UNC13C: variants seen among roughly 807,000 people sequenced by gnomAD.
The protein encoded by UNC13C is protein unc-13 homolog C.
A neutral mutation model predicts 245.4 loss-of-function variants in UNC13C; 174 were observed. The observed-to-expected ratio is 0.71, with a 90% CI of 0.63 to 0.80. The LOEUF (loss-of-function observed/expected upper bound fraction) is 0.80. Ranked by LOEUF, UNC13C falls within the 30% of genes least tolerant of loss-of-function variation. The pLI, the probability that UNC13C is intolerant of heterozygous loss-of-function variation, is 0.00. For missense variants in UNC13C, 2,829 were observed against 2,602.9 expected (o/e 1.09, Z -1.89); for synonymous variants, 992 against 895.1 (o/e 1.11, Z -1.93).
At chr15:54,175,566 G>A (rs542676431) in intron 4 of UNC13C, among the ~76,000 whole-genome samples, 129 of 143,432 alleles carry the variant, frequency 9.0e-4, no homozygotes, top group African/African-American at 3.2e-3. Context: ...AGGCTGGAGC[G>A]TAGTGGCGCG....
At chr15:53,842,002 A>T in the UNC13C span, among the ~76,000 whole-genome samples, 24 of 152,208 alleles carry the variant, frequency 1.6e-4, no homozygotes, top group Non-Finnish European at 2.6e-4. Context: ...GTGGAGAGTT[A>T]TCCATTAAGA....
At chr15:54,503,241 G>T (rs1173303192) in intron 22 of UNC13C, among the ~76,000 whole-genome samples, 1 of 152,070 alleles carries the variant, frequency 6.6e-6, no homozygotes, top group Non-Finnish European at 1.5e-5. Context: ...TGGAAAAGAA[G>T]AAATTAGTGA....
the UNC13C span, among the ~76,000 whole-genome samples, chr15:53,919,914 T>C: frequency 6.6e-6 from 1 of 152,132 alleles, no homozygotes; most frequent in Non-Finnish European, 1.5e-5. Context: ...AAAAATAAAA[T>C]TAAAATATTA....
intron 13 of UNC13C, chr15:54,320,802 T>C (rs1394312799): frequency 3.0e-6 from 1 of 338,412 alleles, no homozygotes; most frequent in Non-Finnish European, 5.7e-6. Flanking sequence ...GTTGGCAAAG[T>C]ATTGGCCTCC....
At chr15:54,298,717 G>A (rs2037499276) in intron 12 of UNC13C, among the ~76,000 whole-genome samples, 1 of 152,162 alleles carries the variant, frequency 6.6e-6, no homozygotes, top group African/African-American at 2.4e-5. Flanking sequence ...GTTTGTCGCT[G>A]AGAGCTTAGT....
intron 19 of UNC13C, among the ~76,000 whole-genome samples, chr15:54,422,999 C>A (rs2040683120): frequency 6.6e-6 from 1 of 150,434 alleles, no homozygotes; most frequent in Non-Finnish European, 1.5e-5. Context: ...AAAAAAACTT[C>A]ATGAAATATA....
chr15:54,600,587 CATTATA>C (rs1264541683), intron 30 of UNC13C, among the ~76,000 whole-genome samples: 1 of 152,078 alleles, frequency 6.6e-6, no homozygotes, highest in African/African-American at 2.4e-5. Context: ...TGTGAATACA[CATTATA>C]ATTCACTTTT....
intron 19 of UNC13C, among the ~76,000 whole-genome samples, chr15:54,444,963 C>A (rs1373204178): frequency 8.5e-6 from 1 of 117,574 alleles, no homozygotes; most frequent in Non-Finnish European, 1.7e-5. Context: ...TATCCCTCCC[C>A]CCTCCCCCCA....
intron 19 of UNC13C, among the ~76,000 whole-genome samples, chr15:54,429,810 G>A (rs1291270329): frequency 6.6e-6 from 1 of 151,616 alleles, no homozygotes; most frequent in Non-Finnish European, 1.5e-5. Flanking sequence ...TGCCTAAGGA[G>A]AACTATGTCA....
chr15:54,371,955 G>A (rs946350591), intron 17 of UNC13C, among the ~76,000 whole-genome samples: 1 of 152,034 alleles, frequency 6.6e-6, no homozygotes, highest in Admixed American at 6.6e-5. Context: ...GGGAGATTGG[G>A]GAGATCATGT....
chr15:54,222,634 G>A (rs1205401325), intron 4 of UNC13C, among the ~76,000 whole-genome samples: 2 of 151,962 alleles, frequency 1.3e-5, no homozygotes, highest in African/African-American at 4.8e-5. Flanking sequence ...GGGTCATATG[G>A]TAGTTCTATT....
chr15:54,138,953 A>ATTTTTTTTCTTTTTTTTT (rs2031872941), intron 2 of UNC13C, among the ~76,000 whole-genome samples: 1 of 48,632 alleles, frequency 2.1e-5, no homozygotes, highest in African/African-American at 7.8e-5. Context: ...ATTTCCCCTA[A>ATTTTTTTTCTTTTTTTTT]TTTTTTTTTT....
intron 17 of UNC13C, among the ~76,000 whole-genome samples, chr15:54,361,741 ACC>A (rs2039236230): frequency 6.6e-6 from 1 of 152,184 alleles, no homozygotes; most frequent in East Asian, 1.9e-4. Flanking sequence ...CTAAACTGCT[ACC>A]CTACCTCTCT....
In UNC13C at chr15:54,062,666, A is replaced by G. The variant is rs578205083; in HGVS notation, c.2983+46780A>G. 1.4e-4 allele frequency among the ~76,000 whole-genome samples: 22 copies of G among 152,206 alleles called. 1 individual carries two copies. Among genetic ancestry groups the G allele is most frequent in the South Asian group, 4.1e-4 (2 of 4,834 alleles). ...TTGTTGTCCTTAGACCAGCAGTATG[A>G]GCATCAACAAGGGAGCTTGATAGTC... On this transcript the variant is annotated intron_variant, in intron 2 of 32. Transcript: ENST00000260323.
chr15:53,865,436 C>T, the UNC13C span, among the ~76,000 whole-genome samples: 2 of 152,148 alleles, frequency 1.3e-5, no homozygotes, highest in African/African-American at 2.4e-5. Flanking sequence ...CCATTGAGTC[C>T]GACTTGACCT....
At chr15:54,484,559 A>T (rs1435435050) in intron 19 of UNC13C, among the ~76,000 whole-genome samples, 1 of 152,246 alleles carries the variant, frequency 6.6e-6, no homozygotes, top group Non-Finnish European at 1.5e-5. Context: ...AATACATTTT[A>T]AATTGATCAA....
intron 31 of UNC13C, 114 bp from the exon 32 acceptor site, chr15:54,623,681 G>A: frequency 1.1e-6 from 1 of 890,818 alleles, no homozygotes; most frequent in Middle Eastern, 2.6e-4. Flanking sequence ...ACAGTGTCTT[G>A]TCAGTGGAGT....
At chr15:54,104,390 A>G (rs1011263640) in intron 2 of UNC13C, among the ~76,000 whole-genome samples, 2 of 152,112 alleles carry the variant, frequency 1.3e-5, no homozygotes, top group African/African-American at 4.8e-5. Context: ...AAAAAAATAT[A>G]TTCTTAGATT....
At chr15:54,578,183 G>A (rs531685871) in intron 30 of UNC13C, among the ~76,000 whole-genome samples, 1 of 152,308 alleles carries the variant, frequency 6.6e-6, no homozygotes, top group Admixed American at 6.5e-5. Context: ...AGTTCTCACA[G>A]CATAGAATAA....
Sources: allele counts gnomAD v4.1 joint callset (sites outside exome capture counted in the v4.1 genomes callset), GRCh38; gene constraint gnomAD v4.1.1; transcripts MANE v1.5; gene names NCBI Gene and HGNC (gene_info 2026-07-23, HGNC 2026-07-21).